The following PPP3CC variants were observed in gnomAD, a reference collection of about 807,000 sequenced individuals.
The protein encoded by PPP3CC is protein phosphatase 3 catalytic subunit gamma.
A neutral mutation model predicts 60.3 loss-of-function variants in PPP3CC; 35 were observed. The ratio of observed to expected loss-of-function variants is 0.58; its 90% CI spans 0.44 to 0.77. The LOEUF (loss-of-function observed/expected upper bound fraction) is 0.77. Ranked by LOEUF, PPP3CC falls within the 30% of genes least tolerant of loss-of-function variation. The probability of loss-of-function intolerance (pLI) is 0.00; values close to 1 mark genes in which losing one functional copy is unlikely to be tolerated. For missense variants in PPP3CC, 570 were observed against 628.9 expected, an observed-to-expected ratio of 0.91 and a Z score of 1.00; for synonymous variants, 206 against 224.3, an observed-to-expected ratio of 0.92 and a Z score of 0.73.
chr8:22,478,527 A>T (rs1159926044), intron 3 of PPP3CC, among the ~76,000 whole-genome samples: 1 of 152,228 alleles, frequency 6.6e-6, no homozygotes, highest in Non-Finnish European at 1.5e-5. Flanking sequence ...TAGCTTTAAA[A>T]TAGTTTTAAT....
intron 3 of PPP3CC, chr8:22,492,845 A>C: frequency 1.0e-6 from 1 of 999,424 alleles, no homozygotes; most frequent in Non-Finnish European, 1.6e-6. Flanking sequence ...CTTTAACAGC[A>C]GAGATGCCAG....
intron 3 of PPP3CC, among the ~76,000 whole-genome samples, chr8:22,490,310 T>TG (rs1838362031): frequency 6.6e-6 from 1 of 152,146 alleles, no homozygotes; most frequent in African/African-American, 2.4e-5. Context: ...AGGCGTGGGG[T>TG]GGAACCTGGC....
chr8:22,498,259 A>G (rs1304795359), intron 4 of PPP3CC, 147 bp downstream of exon 4: 4 of 508,004 alleles, frequency 7.9e-6, no homozygotes, highest in Admixed American at 7.5e-5. Flanking sequence ...CTAAGATTCT[A>G]TCTTCTAAAA....
chr8:22,525,827 T>C (rs897092894), intron 8 of PPP3CC, among the ~76,000 whole-genome samples: 16 of 151,736 alleles, frequency 1.1e-4, no homozygotes, highest in Non-Finnish European at 1.9e-4. Flanking sequence ...CCCAAAGTGC[T>C]GGTATTACAA....
At chr8:22,489,282 A>G (rs771872460) in intron 3 of PPP3CC, among the ~76,000 whole-genome samples, 1 of 152,036 alleles carries the variant, frequency 6.6e-6, no homozygotes, top group Non-Finnish European at 1.5e-5. Context: ...AGTTGAATTG[A>G]TCGAGCTCCT....
intron 9 of PPP3CC, 28 bp downstream of exon 9, chr8:22,527,545 C>T: frequency 6.2e-7 from 1 of 1,610,116 alleles, no homozygotes; most frequent in Non-Finnish European, 8.5e-7. Context: ...CATGTCTCAT[C>T]AGTTGTTTGG....
chr8:22,518,429 T>C (rs1839311936), intron 6 of PPP3CC, among the ~76,000 whole-genome samples: 1 of 152,220 alleles, frequency 6.6e-6, no homozygotes, highest in Non-Finnish European at 1.5e-5. Context: ...CTAGTTTCAT[T>C]CCATTATGGT....
chr8:22,453,429 G>C (rs1318970604), intron 1 of PPP3CC, among the ~76,000 whole-genome samples: 1 of 152,164 alleles, frequency 6.6e-6, no homozygotes, highest in Non-Finnish European at 1.5e-5. Flanking sequence ...ATAGTGTACA[G>C]TTATCCCTTG....
At position 22,513,400 on chromosome 8, in the gene PPP3CC, C is replaced by T; in HGVS notation, c.738C>T (p.His246=). 6.2e-7 allele frequency: 1 copy of T among 1,613,538 alleles called. No homozygotes were observed. Among genetic ancestry groups the T allele is most frequent in the Non-Finnish European group, 8.5e-7 (1 of 1,179,720 alleles). The change falls in exon 6 of 14, where the codon CAC becomes CAT. Residue 246 remains histidine (H), a synonymous_variant. Coordinates refer to ENST00000240139, the MANE Select transcript of PPP3CC (RefSeq NM_005605.5). ...AGAAGACCTTGGAGCACTATACCCA[C>T]AACACTGTCCGAGGGTGCTCTTATT... ...GNEKTLEHYT[H]NTVRGCSYFY... is the part of the protein sequence containing the mutation.
chr8:22,475,704 T>A, intron 3 of PPP3CC, 80 bp downstream of exon 3: 1 of 1,334,680 alleles, frequency 7.5e-7, no homozygotes, highest in Non-Finnish European at 1.0e-6. Flanking sequence ...TAGAAGAAAT[T>A]AAAATGAGAA....
chr8:22,467,425 A>C (rs1289856659), intron 1 of PPP3CC, among the ~76,000 whole-genome samples: 1 of 151,938 alleles, frequency 6.6e-6, no homozygotes, highest in Non-Finnish European at 1.5e-5. Flanking sequence ...CGCTTAGTCT[A>C]TTCAAGATGT....
At chr8:22,442,807 T>C (rs763915870) in intron 1 of PPP3CC, among the ~76,000 whole-genome samples, 1 of 152,358 alleles carries the variant, frequency 6.6e-6, no homozygotes, top group South Asian at 2.1e-4. Flanking sequence ...GTACATTAAT[T>C]TCTGTACTGT....
intron 8 of PPP3CC, among the ~76,000 whole-genome samples, chr8:22,523,390 T>C (rs1004396352): frequency 6.6e-6 from 1 of 152,216 alleles, no homozygotes; most frequent in Non-Finnish European, 1.5e-5. Context: ...AAAACTTTTA[T>C]GATTAATAGT....
Position 22,532,875 on chromosome 8 carries a change from T to C in PPP3CC, c.1224-46T>C, listed in dbSNP as rs17060902. ...CCTTCAATATCTTTAAGTTGCTGAATGGAGAGTTCTCGGGCATTAACCCAG... is the reference window on the plus strand; with the variant it reads ...CCTTCAATATCTTTAAGTTGCTGAACGGAGAGTTCTCGGGCATTAACCCAG... On this transcript the variant is annotated intron_variant, in intron 11 of 13. Coordinates refer to ENST00000240139, the MANE Select transcript of PPP3CC (RefSeq NM_005605.5). 5.6e-3 allele frequency: 7,454 copies of C among 1,321,910 alleles called. 379 individuals are homozygous for C. The African/African-American group carries it at 0.1, about 18-fold the overall frequency. The allele number at this position is 1,321,910 out of a possible 1,614,324, so 81.9% of individuals were successfully genotyped here.
At chr8:22,510,181 T>TAA (rs1482781599) in intron 4 of PPP3CC, among the ~76,000 whole-genome samples, 1 of 52,382 alleles carries the variant, frequency 1.9e-5, no homozygotes. Context: ...AGACTCCGTC[T>TAA]CAAAAAAAAA....
chr8:22,527,277 C>A, intron 8 of PPP3CC, 115 bp from the exon 9 acceptor site: 1 of 1,234,328 alleles, frequency 8.1e-7, no homozygotes, highest in Non-Finnish European at 1.1e-6. Context: ...CAAGTCCTGA[C>A]TTTACAAATG....
At chr8:22,469,352 G>C (rs1472197316) in intron 1 of PPP3CC, among the ~76,000 whole-genome samples, 1 of 152,074 alleles carries the variant, frequency 6.6e-6, no homozygotes, top group Non-Finnish European at 1.5e-5. Context: ...TGGGGGAAAG[G>C]GGAAGGATGA....
chr8:22,447,068 C>T (rs966355497), intron 1 of PPP3CC, among the ~76,000 whole-genome samples: 1 of 151,672 alleles, frequency 6.6e-6, no homozygotes, highest in Non-Finnish European at 1.5e-5. Context: ...AGTACAGTGG[C>T]GCGATCATGG....
intron 6 of PPP3CC, among the ~76,000 whole-genome samples, chr8:22,517,350 T>C (rs1839275196): frequency 6.6e-6 from 1 of 152,222 alleles, no homozygotes; most frequent in Non-Finnish European, 1.5e-5. Flanking sequence ...TGTCTTTGGC[T>C]TTGGTATCAG....
Sources: allele counts gnomAD v4.1 joint callset (sites outside exome capture counted in the v4.1 genomes callset), GRCh38; gene constraint gnomAD v4.1.1; transcripts MANE v1.5; gene names NCBI Gene and HGNC (gene_info 2026-07-23, HGNC 2026-07-21).